Variants in ANKRD13A observed in about 807,000 individuals in gnomAD.
ANKRD13A encodes the protein ankyrin repeat domain-containing protein 13A.
In ANKRD13A, 48 loss-of-function variants were observed where a neutral mutation model predicts 81.3. That is an observed-to-expected ratio of 0.59 (90% CI 0.47 to 0.75). The LOEUF (loss-of-function observed/expected upper bound fraction) is 0.75. Among genes scored for constraint, ANKRD13A ranks in the 30% least tolerant of loss-of-function variants. ANKRD13A has a pLI of 0.00. For synonymous variants in ANKRD13A, 230 were observed against 270.1 expected (o/e 0.85, Z 1.45); for missense variants, 612 against 734.0 (o/e 0.83, Z 1.92).
In ANKRD13A at chr12:110,029,796, A is replaced by G. The variant is rs551216042; in HGVS notation, c.1234+161A>G. On this transcript the variant is annotated intron_variant, in intron 11 of 14. Coordinates refer to ENST00000261739, the MANE Select transcript of ANKRD13A (RefSeq NM_033121.2). The stretch of plus-strand genomic sequence containing the variant: ...AGAGTTCTCCTGTGGTTTGATTTAA[A>G]GAAGTGTTATGATTAGTGGTTCATT... Among the ~76,000 whole-genome samples, 17 of 152,350 alleles carry G rather than the reference A, an allele frequency of 1.1e-4. No homozygotes were observed. The Middle Eastern group carries it at 0.017, about 152-fold the overall frequency.
rs778027549 is a variant in ANKRD13A at position 110,036,333 on chromosome 12, T to C, written c.1577+5T>C. 3.1e-6 allele frequency: 5 copies of C among 1,613,780 alleles called. No homozygotes were observed. The highest frequency in any genetic ancestry group is 1.1e-5 in the South Asian group (1 of 91,074). On this transcript the variant is annotated splice_donor_5th_base_variant and intron_variant, in intron 14 of 14. Coordinates refer to ENST00000261739, the MANE Select transcript of ANKRD13A (RefSeq NM_033121.2). This position sits in a 1 kb window ranked among gnomAD's most constrained non-coding sequence, Gnocchi z 4.6. ...CTATGACGCCCAGTATGAGAGGTGA[T>C]TGACTGACGTGACTCTGGAATAAAC... is the stretch of plus-strand genomic sequence containing the variant.
At chr12:110,008,296 C>T (rs538183639) in intron 1 of ANKRD13A, among the ~76,000 whole-genome samples, 2 of 152,146 alleles carry the variant, frequency 1.3e-5, no homozygotes, top group Admixed American at 6.5e-5. Context: ...TGGTGTAATA[C>T]GTTAATTGAC....
intron 13 of ANKRD13A, among the ~76,000 whole-genome samples, chr12:110,034,795 A>G (rs1214388616): frequency 6.6e-6 from 1 of 152,054 alleles, no homozygotes; most frequent in Non-Finnish European, 1.5e-5. Flanking sequence ...CCTGCAGTCC[A>G]TTTATTTGTT....
chr12:110,030,567 T>G, intron 11 of ANKRD13A, 78 bp from the exon 12 acceptor site: 1 of 789,338 alleles, frequency 1.3e-6, no homozygotes, highest in Admixed American at 2.9e-5. Flanking sequence ...CTTGGCATAG[T>G]AAGCACTTAG....
chr12:110,018,370 A>G lies in ANKRD13A; in HGVS notation c.426A>G (p.Pro142=), dbSNP rs2302689. Residue 142 remains proline, a synonymous_variant, in exon 5 of 15, where the codon CCA becomes CCG. Coordinates refer to ENST00000261739, the MANE Select transcript of ANKRD13A (RefSeq NM_033121.2). This position sits in a 1 kb window ranked among gnomAD's most constrained non-coding sequence, Gnocchi z 4.4. The part of the protein sequence containing the change: ...SWVPLVSRIC[P]NDVCRIWKSG... The stretch of plus-strand genomic sequence containing the variant: ...TGCCCTTGGTTTCTAGAATATGCCC[A>G]AATGATGTCTGTCGCATCTGGAAAA... The G allele has an allele frequency of 0.18, 288,591 of 1,613,640 alleles. 34,446 individuals carry two copies. The highest frequency in any genetic ancestry group is 0.62 in the African/African-American group (46,308 of 74,864).
chr12:110,021,028 C>G (rs1891049333), intron 6 of ANKRD13A: 1 of 410,154 alleles, frequency 2.4e-6, no homozygotes, highest in Admixed American at 2.7e-5. Context: ...GCTGTTACCC[C>G]ACTGAGTATA....
chr12:110,004,852 T>C (rs1030889744), intron 1 of ANKRD13A, among the ~76,000 whole-genome samples: 2 of 152,198 alleles, frequency 1.3e-5, no homozygotes, highest in East Asian at 3.8e-4. Flanking sequence ...CGTGCTAAGT[T>C]AAGGACTTTC....
In ANKRD13A at chr12:110,012,033, G is replaced by C; in HGVS notation, c.125G>C (p.Arg42Pro). 1.2e-6 allele frequency: 2 copies of C among 1,609,910 alleles called. No individual in the cohort carries two copies. The highest frequency in any genetic ancestry group is 1.7e-6 in the Non-Finnish European group (2 of 1,176,564). The change falls in exon 2 of 15, where the codon CGA becomes CCA. Residue 42 changes from arginine to proline, a missense_variant. Coordinates refer to ENST00000261739, the MANE Select transcript of ANKRD13A (RefSeq NM_033121.2). ...QNVEAVDPRG[R>P]TLLHLAVSLG... ...GTGGAGGCTGTGGACCCACGAGGTC[G>C]AACATTATTGCATCTTGCTGTTTCC...
chr12:110,013,298 C>A, intron 3 of ANKRD13A, 49 bp downstream of exon 3: 2 of 1,607,386 alleles, frequency 1.2e-6, no homozygotes, highest in South Asian at 2.2e-5. Flanking sequence ...AATGCTGATA[C>A]AATTACTGGA....
At chr12:110,004,969 T>C (rs1217843211) in intron 1 of ANKRD13A, among the ~76,000 whole-genome samples, 1 of 151,950 alleles carries the variant, frequency 6.6e-6, no homozygotes, top group East Asian at 1.9e-4. Context: ...ACATGAGAGA[T>C]TCGTTTTATG....
At chr12:110,009,346 G>A (rs1890394136) in intron 1 of ANKRD13A, among the ~76,000 whole-genome samples, 1 of 152,182 alleles carries the variant, frequency 6.6e-6, no homozygotes, top group East Asian at 1.9e-4. Flanking sequence ...CTCTCAAAGT[G>A]TTGGGATTAC....
At chr12:110,019,982 C>T (rs1014190513) in intron 6 of ANKRD13A, among the ~76,000 whole-genome samples, 2 of 152,204 alleles carry the variant, frequency 1.3e-5, no homozygotes, top group African/African-American at 4.8e-5. Context: ...TAGAGGCTGT[C>T]AAAGCTGTTC....
intron 6 of ANKRD13A, chr12:110,021,405 C>CT (rs1891070212): frequency 6.5e-6 from 1 of 154,874 alleles, no homozygotes; most frequent in African/African-American, 2.5e-5. Flanking sequence ...TCTTTTCTTT[C>CT]TTTCTTTTCT....
chr12:110,037,312 G>A, intron 14 of ANKRD13A, 47 bp from the exon 15 acceptor site: 1 of 1,538,350 alleles, frequency 6.5e-7, no homozygotes, highest in Non-Finnish European at 8.9e-7. Context: ...CTGCCACCAT[G>A]ATGATGATAG....
In ANKRD13A at chr12:110,000,755, C is replaced by CTT. The variant is rs34586781; in HGVS notation, c.96+989_96+990dup. Among the ~76,000 whole-genome samples, 500 of 125,868 alleles carry CTT rather than the reference C, an allele frequency of 4.0e-3. 3 individuals carry two copies. Among genetic ancestry groups the CTT allele is most frequent in the South Asian group, 8.2e-3 (32 of 3,914 alleles). The allele number at this position is 125,868 out of a possible 152,430, so 82.6% of individuals were successfully genotyped here. ...AAACTCTGCTTTTCTTTCTTTCCTT[C>CTT]TTTTTTTTTTTTTTTTTTTGAGACT... On this transcript the variant is annotated intron_variant, in intron 1 of 14. Transcript: ENST00000261739.
chr12:110,023,813 T>G, intron 6 of ANKRD13A: 1 of 441,578 alleles, frequency 2.3e-6, no homozygotes, highest in Non-Finnish European at 4.1e-6. Context: ...AAGCCAAGAT[T>G]GGAGGCTTTC....
In ANKRD13A at chr12:110,036,525, G is replaced by A. The variant is rs1286893717; in HGVS notation, c.1577+197G>A. 6.6e-6 allele frequency among the ~76,000 whole-genome samples: 1 copy of A among 152,190 alleles called. No individual in the cohort carries two copies. Among genetic ancestry groups the A allele is most frequent in the Non-Finnish European group, 1.5e-5 (1 of 68,028 alleles). On this transcript the variant is annotated intron_variant, in intron 14 of 14. Transcript: ENST00000261739. This position sits in a 1 kb window ranked among gnomAD's most constrained non-coding sequence, Gnocchi z 4.6. ...AGCATTTTGGGAGGCCGAGGCAGGC[G>A]GATCACGAGGTCAGAAGATTGAGAC...
Position 110,028,793 on chromosome 12 carries a change from A to G in ANKRD13A, c.1076+151A>G, listed in dbSNP as rs189947492. 4.8e-5 allele frequency: 53 copies of G among 1,104,468 alleles called. No homozygotes were observed. The Admixed American group carries it at 1.2e-3, about 24-fold the overall frequency. The allele number at this position is 1,104,468 out of a possible 1,614,324, so 68.4% of individuals were successfully genotyped here. A position where few individuals can be genotyped will look rare whatever the true frequency, so the allele number is the denominator to read the frequency against. On this transcript the variant is annotated intron_variant, in intron 10 of 14. Transcript: ENST00000261739. Reference sequence around the variant, plus strand: ...CGCTCTGTCGCCTAGGCTGGAGTGCAGTGGCACGAACTCGGCTCACTGCAA... The same window carrying G: ...CGCTCTGTCGCCTAGGCTGGAGTGCGGTGGCACGAACTCGGCTCACTGCAA...
intron 9 of ANKRD13A, chr12:110,028,005 A>C (rs1384541878): frequency 7.8e-6 from 4 of 513,890 alleles, no homozygotes; most frequent in Non-Finnish European, 1.4e-5. Flanking sequence ...CCTCTTATCC[A>C]TTATAAACGA....
Sources: gnomAD v4.1 joint callset for allele counts (sites outside exome capture counted in the v4.1 genomes callset) on GRCh38, gnomAD v4.1.1 for gene constraint, Gnocchi (gnomAD v3.1) non-coding constraint, MANE v1.5 for transcripts, NCBI Gene and HGNC (gene_info 2026-07-23, HGNC 2026-07-21) for gene names.